Variants in MPP7 observed in about 807,000 individuals in gnomAD.
The protein encoded by MPP7 is MAGUK p55 scaffold protein 7.
MPP7 carries 60 observed loss-of-function variants against 76.5 expected under a neutral mutation model. That is an observed-to-expected ratio of 0.78 (90% CI 0.64 to 0.97). The LOEUF (loss-of-function observed/expected upper bound fraction) is 0.97. Ranked by LOEUF, MPP7 falls within the 50% of genes least tolerant of loss-of-function variation. MPP7 has a pLI of 0.00. For synonymous variants in MPP7, 237 were observed against 244.5 expected, an observed-to-expected ratio of 0.97 and a Z score of 0.29; for missense variants, 641 against 694.0, an observed-to-expected ratio of 0.92 and a Z score of 0.86.
At chr10:28,202,015 T>A in intron 3 of MPP7, 138 bp downstream of exon 3, 1 of 665,538 alleles carries the variant, frequency 1.5e-6, no homozygotes, top group Non-Finnish European at 2.7e-6. Flanking sequence ...CTTTAACAAC[T>A]TCCACGCCCG....
intron 2 of MPP7, among the ~76,000 whole-genome samples, chr10:28,217,720 A>G (rs937278521): frequency 2.6e-5 from 4 of 152,110 alleles, no homozygotes; most frequent in Non-Finnish European, 4.4e-5. Flanking sequence ...TAGTAAGAAA[A>G]AAGAAGCCAG....
At chr10:28,269,153 C>T (rs1364312587) in intron 1 of MPP7, among the ~76,000 whole-genome samples, 1 of 152,182 alleles carries the variant, frequency 6.6e-6, no homozygotes, top group Non-Finnish European at 1.5e-5. Flanking sequence ...CTCTAAAACC[C>T]TGCTCATCTG....
chr10:28,297,057 G>GGA lies in MPP7; in HGVS notation c.-132+5802_-132+5803dup, dbSNP rs547594574. Among the ~76,000 whole-genome samples, 46 of 152,272 alleles carry GGA rather than the reference G, an allele frequency of 3.0e-4. 1 individual carries two copies. The highest frequency in any genetic ancestry group is 9.1e-4 in the African/African-American group (38 of 41,546). ...ACAGGAAGAATCAGAGGGTTCAATA[G>GGA]GAGAGGTTATTTCTGAAATCGTAGG... On this transcript the variant is annotated intron_variant, in intron 1 of 16. Coordinates refer to ENST00000683449, the MANE Select transcript of MPP7 (RefSeq NM_001318170.2).
intron 13 of MPP7, 59 bp downstream of exon 13, chr10:28,069,713 T>TA (rs1393996126): frequency 2.2e-6 from 3 of 1,344,614 alleles, no homozygotes; most frequent in Non-Finnish European, 3.0e-6. Context: ...AATAATTTTT[T>TA]AAAAATTTAA....
At chr10:28,202,459 T>C (rs1297416594) in intron 2 of MPP7, among the ~76,000 whole-genome samples, 188 bp from the exon 3 acceptor site, 2 of 152,218 alleles carry the variant, frequency 1.3e-5, no homozygotes, top group African/African-American at 2.4e-5. Context: ...AGCAGTGGTA[T>C]GTATTAACAG....
At chr10:28,230,598 G>A (rs1838847531) in intron 2 of MPP7, among the ~76,000 whole-genome samples, 1 of 152,142 alleles carries the variant, frequency 6.6e-6, no homozygotes, top group Admixed American at 6.6e-5. Context: ...CAGATCACTT[G>A]AGGTCAGAAG....
At chr10:28,191,184 G>C (rs1304351362) in intron 3 of MPP7, among the ~76,000 whole-genome samples, 1 of 152,084 alleles carries the variant, frequency 6.6e-6, no homozygotes, top group Non-Finnish European at 1.5e-5. Context: ...GGCTTCACTG[G>C]TGAATTCTAC....
intron 3 of MPP7, among the ~76,000 whole-genome samples, chr10:28,166,167 C>T (rs1214598713): frequency 6.6e-6 from 1 of 151,876 alleles, no homozygotes; most frequent in Non-Finnish European, 1.5e-5. Context: ...CTAGTCAGAG[C>T]TTTTTTTCTA....
At chr10:28,129,667 G>A (rs1835131240) in intron 6 of MPP7, among the ~76,000 whole-genome samples, 1 of 152,052 alleles carries the variant, frequency 6.6e-6, no homozygotes, top group South Asian at 2.1e-4. Flanking sequence ...GTGGCACAGT[G>A]AATTTCAGAT....
At position 28,270,537 on chromosome 10, in the gene MPP7, G is replaced by GT. The variant is rs1201461623; in HGVS notation, c.-131-31803_-131-31802insA. On this transcript the variant is annotated intron_variant, in intron 1 of 16. Transcript: ENST00000683449. ...TATCTCTTTAAAAAAAAAAAAGGGG[G>GT]GGGGGGAGGAGGGGAGCTGGGGAGG... is the stretch of plus-strand genomic sequence containing the variant. Among the ~76,000 whole-genome samples the GT allele has an allele frequency of 5.4e-5, 7 of 128,734 alleles. No individual in the cohort carries two copies. The South Asian group carries it at 1.5e-3, about 29-fold the overall frequency. 84.5% of individuals were successfully genotyped at this position (128,734 alleles called of 152,430 possible).
At chr10:28,163,993 T>G (rs889094342) in intron 3 of MPP7, among the ~76,000 whole-genome samples, 4 of 150,888 alleles carry the variant, frequency 2.7e-5, no homozygotes, top group Non-Finnish European at 5.9e-5. Flanking sequence ...AACACAGAAG[T>G]CTGAAGAAGT....
intron 1 of MPP7, among the ~76,000 whole-genome samples, chr10:28,273,098 A>G (rs1237018803): frequency 6.6e-6 from 1 of 152,088 alleles, no homozygotes; most frequent in Non-Finnish European, 1.5e-5. Context: ...TTGTATTTTT[A>G]GTAGAGATGG....
At chr10:28,169,638 T>C (rs74835530) in intron 3 of MPP7, among the ~76,000 whole-genome samples, 1,616 of 152,350 alleles carry the variant, frequency 0.011, 8 homozygotes, top group Middle Eastern at 0.024. Context: ...TTCCTGCATG[T>C]AAGCCTTGAA....
At chr10:28,123,709 T>G (rs1046930865) in intron 8 of MPP7, among the ~76,000 whole-genome samples, 2 of 151,968 alleles carry the variant, frequency 1.3e-5, no homozygotes, top group African/African-American at 4.8e-5. Flanking sequence ...TGACCTCAGG[T>G]GATCCACCTG....
intron 3 of MPP7, among the ~76,000 whole-genome samples, chr10:28,191,756 A>G (rs1481106070): frequency 6.6e-6 from 1 of 152,242 alleles, no homozygotes; most frequent in East Asian, 1.9e-4. Context: ...TTAAACATTC[A>G]TAAGTAAATT....
chr10:28,223,698 T>C (rs926039301), intron 2 of MPP7, among the ~76,000 whole-genome samples: 3 of 152,022 alleles, frequency 2.0e-5, no homozygotes, highest in Non-Finnish European at 2.9e-5. Flanking sequence ...AATGCAAACA[T>C]AGAGGCTCCC....
At chr10:28,128,930 G>A (rs1017180255) in intron 6 of MPP7, among the ~76,000 whole-genome samples, 9 of 152,066 alleles carry the variant, frequency 5.9e-5, no homozygotes, top group African/African-American at 1.7e-4. Flanking sequence ...AACGCATAAG[G>A]GTCTCATTAT....
At chr10:28,109,965 A>G (rs1834453742) in intron 11 of MPP7, among the ~76,000 whole-genome samples, 1 of 150,944 alleles carries the variant, frequency 6.6e-6, no homozygotes, top group South Asian at 2.1e-4. Flanking sequence ...TTAAGTTTAA[A>G]GTGATATTTT....
At chr10:28,134,548 T>C (rs1297075528) in intron 5 of MPP7, among the ~76,000 whole-genome samples, 1 of 152,194 alleles carries the variant, frequency 6.6e-6, no homozygotes, top group African/African-American at 2.4e-5. Flanking sequence ...TTGTGGTTCA[T>C]GCTTTTTGTA....
Sources: allele counts gnomAD v4.1 joint callset (sites outside exome capture counted in the v4.1 genomes callset), GRCh38; gene constraint gnomAD v4.1.1; transcripts MANE v1.5; gene names NCBI Gene and HGNC (gene_info 2026-07-23, HGNC 2026-07-21).